The following PLEKHA7 variants were observed in gnomAD, a reference collection of about 807,000 sequenced individuals.
PLEKHA7 encodes the protein pleckstrin homology domain-containing family A member 7.
A neutral mutation model predicts 170.0 loss-of-function variants in PLEKHA7; 104 were observed. The observed-to-expected ratio is 0.61, with a 90% CI of 0.52 to 0.72. The LOEUF is 0.72. Among genes scored for constraint, PLEKHA7 ranks in the 30% least tolerant of loss-of-function variants. PLEKHA7 has a pLI of 0.00. For missense variants in PLEKHA7, 1,615 were observed against 1,671.7 expected, an observed-to-expected ratio of 0.97 and a Z score of 0.59; for synonymous variants, 648 against 660.8, an observed-to-expected ratio of 0.98 and a Z score of 0.30.
chr11:16,860,335 T>C (rs751055153), intron 4 of PLEKHA7, among the ~76,000 whole-genome samples: 4 of 152,168 alleles, frequency 2.6e-5, no homozygotes, highest in Non-Finnish European at 5.9e-5. Flanking sequence ...ATTTTTTTTC[T>C]GTTGGGTCTG....
intron 9 of PLEKHA7, among the ~76,000 whole-genome samples, chr11:16,828,415 G>A (rs1219219738): frequency 1.3e-5 from 2 of 152,122 alleles, no homozygotes; most frequent in Non-Finnish European, 2.9e-5. Flanking sequence ...GGCCTCCCCA[G>A]CCATGTGGAA....
intron 9 of PLEKHA7, among the ~76,000 whole-genome samples, chr11:16,833,437 CCTT>C (rs1430379245): frequency 6.6e-6 from 1 of 152,208 alleles, no homozygotes; most frequent in Non-Finnish European, 1.5e-5. Context: ...CCTGAAGAAT[CCTT>C]CTCTCTTTCT....
At chr11:16,801,221 C>T (rs1848576808) in intron 16 of PLEKHA7, 146 bp from the exon 17 acceptor site, 1 of 709,462 alleles carries the variant, frequency 1.4e-6, no homozygotes, top group Admixed American at 2.2e-5. Flanking sequence ...GAGAGAGGAG[C>T]AGGAAAGAGC....
chr11:16,906,067 T>C (rs1195471482), intron 3 of PLEKHA7, among the ~76,000 whole-genome samples: 2 of 152,162 alleles, frequency 1.3e-5, no homozygotes, highest in Non-Finnish European at 2.9e-5. Context: ...AGGACAGCCC[T>C]AGAAGTTCCA....
chr11:16,921,170 T>C (rs527738993), intron 3 of PLEKHA7, among the ~76,000 whole-genome samples: 27 of 152,304 alleles, frequency 1.8e-4, no homozygotes, highest in Non-Finnish European at 3.4e-4. Context: ...CACTGGCAGA[T>C]CATCTGGAAC....
chr11:16,874,704 C>CT (rs1464979975), intron 3 of PLEKHA7, among the ~76,000 whole-genome samples: 1 of 152,216 alleles, frequency 6.6e-6, no homozygotes, highest in African/African-American at 2.4e-5. Flanking sequence ...CCCTCTCATT[C>CT]TTTATCTCCC....
rs550776320 is a variant in PLEKHA7, at chr11:16,786,531, T to C, written c.3358-144A>G. 1.7e-4 allele frequency: 249 copies of C among 1,461,642 alleles called. 1 individual carries two copies. In the Admixed American group the frequency reaches 2.0e-3, roughly 12 times the overall value. The allele number at this position is 1,461,642 out of a possible 1,614,324, so 90.5% of individuals were successfully genotyped here. On this transcript the variant is annotated intron_variant, in intron 23 of 26. Coordinates refer to ENST00000531066, the MANE Select transcript of PLEKHA7 (RefSeq NM_001329630.2). ...CTGTATGTGCAATAGAGAATGAAGC[T>C]GCTGTCCCCTTCATATGGGCTGTTC...
chr11:16,879,175 C>T (rs556300478), intron 3 of PLEKHA7, among the ~76,000 whole-genome samples: 1 of 152,298 alleles, frequency 6.6e-6, no homozygotes, highest in South Asian at 2.1e-4. Context: ...ATTATATCCT[C>T]GCTAGTATTG....
chr11:16,976,232 A>G (rs1863053949), intron 3 of PLEKHA7, among the ~76,000 whole-genome samples: 1 of 152,266 alleles, frequency 6.6e-6, no homozygotes, highest in South Asian at 2.1e-4. Context: ...GCCTGGGAGT[A>G]AGCTATGAAC....
chr11:16,791,403 G>C lies in PLEKHA7; in HGVS notation c.2746-204C>G. 1.6e-6 allele frequency: 1 copy of C among 623,290 alleles called. No individual in the cohort carries two copies. The highest frequency in any genetic ancestry group is 1.9e-5 in the South Asian group (1 of 52,794). 38.6% of individuals were successfully genotyped at this position (623,290 alleles called of 1,614,324 possible). A position where few individuals can be genotyped will look rare whatever the true frequency, so the allele number is the denominator to read the frequency against. ...TGCTCTGCTCCTCTATCCCCTCAGA[G>C]GTATACAGTTTCTATTCCTCCAAGT... On this transcript the variant is annotated intron_variant, in intron 19 of 26. Transcript: ENST00000531066. The surrounding 1 kb of genome is among the most constrained non-coding windows in gnomAD (Gnocchi z 4.5).
chr11:16,898,989 G>A (rs1329037212), intron 3 of PLEKHA7, among the ~76,000 whole-genome samples: 1 of 152,170 alleles, frequency 6.6e-6, no homozygotes, highest in Non-Finnish European at 1.5e-5. Flanking sequence ...TTGTAAAGAT[G>A]CCAATTCTTC....
chr11:16,840,064 A>T (rs1443594570), intron 9 of PLEKHA7, among the ~76,000 whole-genome samples: 1 of 152,196 alleles, frequency 6.6e-6, no homozygotes, highest in Non-Finnish European at 1.5e-5. Flanking sequence ...GAAACAATAG[A>T]AAAATGCAGG....
At chr11:17,006,603 G>A (rs550901295) in intron 3 of PLEKHA7, among the ~76,000 whole-genome samples, 1 of 150,156 alleles carries the variant, frequency 6.7e-6, no homozygotes, top group South Asian at 2.2e-4. Context: ...CTCCAGCCTG[G>A]GTGACACAGC....
chr11:16,927,441 G>A (rs1444797977), intron 3 of PLEKHA7, among the ~76,000 whole-genome samples: 1 of 152,084 alleles, frequency 6.6e-6, no homozygotes, highest in Non-Finnish European at 1.5e-5. Context: ...GGCCTCCAAA[G>A]CCCACCCTTC....
At chr11:17,002,664 G>T (rs576958990) in intron 3 of PLEKHA7, among the ~76,000 whole-genome samples, 1 of 152,234 alleles carries the variant, frequency 6.6e-6, no homozygotes, top group Admixed American at 6.5e-5. Flanking sequence ...AAAGCACCAC[G>T]AAGATTATTA....
rs757687073 is a variant in PLEKHA7 at position 17,007,315 on chromosome 11, A to C, written c.221+6674T>G. ...ATTTTTCTTTATGTAGAATTACATT[A>C]AATAGAAAAAAAAATTTTTTTTTTG... On this transcript the variant is annotated intron_variant, in intron 3 of 26. Coordinates refer to ENST00000531066, the MANE Select transcript of PLEKHA7 (RefSeq NM_001329630.2). 1.2e-4 allele frequency among the ~76,000 whole-genome samples: 18 copies of C among 152,188 alleles called. No homozygotes were observed. In the South Asian group the frequency reaches 1.7e-3, roughly 14 times the overall value.
chr11:16,808,220 T>C (rs1482455141), intron 13 of PLEKHA7, among the ~76,000 whole-genome samples: 1 of 152,252 alleles, frequency 6.6e-6, no homozygotes, highest in Non-Finnish European at 1.5e-5. Context: ...TAGTAATACC[T>C]GAATATTACC....
intron 23 of PLEKHA7, chr11:16,788,837 G>C: frequency 3.6e-6 from 2 of 559,492 alleles, no homozygotes; most frequent in Non-Finnish European, 3.2e-6. Context: ...TCTCCATCGC[G>C]GCTGGGAGGA....
In PLEKHA7 at chr11:16,816,869, C is replaced by G. The variant is rs146554999; in HGVS notation, c.1797G>C (p.Pro599=). 13 of 1,613,970 alleles carry G rather than the reference C, an allele frequency of 8.1e-6. No homozygotes were observed. The highest frequency in any genetic ancestry group is 1.3e-5 in the African/African-American group (1 of 74,902). ...AGATGTCCACACTCCTCCTCTGGTC[C>G]GGTGGCTTCACTGTGACTCGCTCTG... ...TPAERVTVKP[P]DQRRSVDISL... is the part of the protein sequence containing the mutation. The change falls in exon 11 of 27, where the codon CCG becomes CCC. Residue 599 remains proline, a synonymous_variant. Transcript: ENST00000531066.
Sources: allele counts gnomAD v4.1 joint callset (sites outside exome capture counted in the v4.1 genomes callset), GRCh38; gene constraint gnomAD v4.1.1; non-coding constraint Gnocchi (gnomAD v3.1); transcripts MANE v1.5; gene names NCBI Gene and HGNC (gene_info 2026-07-23, HGNC 2026-07-21).